CALCR: variants seen among roughly 807,000 people sequenced by gnomAD.
The protein encoded by CALCR is calcitonin receptor.
In CALCR, 47 loss-of-function variants were observed where a neutral mutation model predicts 59.5. The ratio of observed to expected loss-of-function variants is 0.79; its 90% CI spans 0.63 to 1.01. The LOEUF is 1.01. Among genes scored for constraint, CALCR ranks in the 50% least tolerant of loss-of-function variants. The probability of loss-of-function intolerance (pLI) is 0.00; values close to 1 mark genes in which losing one functional copy is unlikely to be tolerated. For synonymous variants in CALCR, 213 were observed against 211.3 expected (o/e 1.01, Z -0.07); for missense variants, 566 against 597.1 (o/e 0.95, Z 0.54).
chr7:93,467,599 T>G (rs1021766469), intron 7 of CALCR, among the ~76,000 whole-genome samples: 4 of 151,722 alleles, frequency 2.6e-5, no homozygotes, highest in Non-Finnish European at 4.4e-5. Flanking sequence ...AGATGTATAA[T>G]GTACCATCTT....
chr7:93,492,465 T>C (rs1342026273), intron 2 of CALCR, among the ~76,000 whole-genome samples: 1 of 151,440 alleles, frequency 6.6e-6, no homozygotes, highest in Non-Finnish European at 1.5e-5. Context: ...GTTTACCTAT[T>C]GGCATAACAG....
At chr7:93,479,606 C>T (rs549211037) in intron 3 of CALCR, 99 bp from the exon 4 acceptor site, 2 of 1,120,738 alleles carry the variant, frequency 1.8e-6, no homozygotes, top group East Asian at 4.9e-5. Context: ...TATTTTTGCT[C>T]TCTAAGCAAT....
intron 3 of CALCR, among the ~76,000 whole-genome samples, chr7:93,484,933 T>C (rs1800907763): frequency 6.6e-6 from 1 of 151,650 alleles, no homozygotes; most frequent in South Asian, 2.1e-4. Context: ...AAGAGGCTAA[T>C]TGAAGGTGGT....
rs1214957914 is a variant in CALCR, at chr7:93,501,742, T to A, written c.-26-14735A>T. 3.3e-5 allele frequency among the ~76,000 whole-genome samples: 5 copies of A among 152,228 alleles called. No individual in the cohort carries two copies. The East Asian group carries it at 9.7e-4, about 30-fold the overall frequency. On this transcript the variant is annotated intron_variant, in intron 2 of 13. Transcript: ENST00000426151. ...CAGTGCAGAACTAAACCAGAATTTA[T>A]GCAAAGTCAATGAGCTGAATTGAAA...
chr7:93,559,616 CT>C (rs370056480), intron 2 of CALCR: 219 of 147,328 alleles, frequency 1.5e-3, no homozygotes, highest in East Asian at 2.8e-3. Flanking sequence ...GTACTTAAAA[CT>C]TTTTTTTTTT....
intron 2 of CALCR, among the ~76,000 whole-genome samples, chr7:93,550,928 T>TTTAA (rs1336853464): frequency 6.6e-6 from 1 of 152,154 alleles, no homozygotes. Flanking sequence ...ACATCTGTAA[T>TTTAA]ATTTAAAGGT....
chr7:93,516,866 G>A (rs1473214542), intron 2 of CALCR, among the ~76,000 whole-genome samples: 1 of 151,702 alleles, frequency 6.6e-6, no homozygotes, highest in Non-Finnish European at 1.5e-5. Context: ...TTAAATTATC[G>A]CGGGTTTTTA....
chr7:93,448,455 T>A (rs550902408), intron 8 of CALCR, among the ~76,000 whole-genome samples: 3 of 151,992 alleles, frequency 2.0e-5, no homozygotes, highest in Non-Finnish European at 4.4e-5. Context: ...AAACAGTGGC[T>A]AAGTTTGATG....
intron 2 of CALCR, among the ~76,000 whole-genome samples, chr7:93,500,186 C>T (rs187583665): frequency 6.1e-4 from 92 of 151,986 alleles, no homozygotes; most frequent in African/African-American, 1.8e-3. Flanking sequence ...ACTAATCTGT[C>T]TCGCATTAAA....
intron 3 of CALCR, chr7:93,484,051 C>A (rs1433349766): frequency 1.0e-5 from 5 of 493,854 alleles, no homozygotes; most frequent in South Asian, 5.9e-5. Context: ...CAAACATCAT[C>A]AGTTTTTTTC....
intron 2 of CALCR, among the ~76,000 whole-genome samples, chr7:93,554,769 GTATATATA>G (rs55879216): frequency 2.2e-4 from 26 of 117,196 alleles, no homozygotes; most frequent in East Asian, 2.8e-4. Context: ...GCCAGGCCAT[GTATATATA>G]TATATATATA....
intron 8 of CALCR, among the ~76,000 whole-genome samples, chr7:93,446,182 G>A (rs756616297): frequency 4.6e-5 from 7 of 151,954 alleles, no homozygotes; most frequent in Non-Finnish European, 7.4e-5. Flanking sequence ...TGGGTTTGAC[G>A]CAAGATATTG....
intron 4 of CALCR, among the ~76,000 whole-genome samples, chr7:93,478,073 T>C (rs1800708536): frequency 6.8e-6 from 1 of 147,736 alleles, no homozygotes; most frequent in Non-Finnish European, 1.5e-5. Context: ...TCAAGAAAGC[T>C]CTCAAAAATT....
At chr7:93,556,310 T>C (rs985733589) in intron 2 of CALCR, among the ~76,000 whole-genome samples, 1 of 152,166 alleles carries the variant, frequency 6.6e-6, no homozygotes, top group Admixed American at 6.6e-5. Context: ...AGTATTTTCC[T>C]GGATTTCTGA....
intron 2 of CALCR, among the ~76,000 whole-genome samples, chr7:93,530,946 A>G (rs1237281749): frequency 6.6e-6 from 1 of 152,076 alleles, no homozygotes; most frequent in African/African-American, 2.4e-5. Context: ...CTACTGAACC[A>G]GAAACTTTGG....
intron 2 of CALCR, among the ~76,000 whole-genome samples, chr7:93,533,172 G>T (rs1455195161): frequency 2.0e-5 from 3 of 151,772 alleles, no homozygotes; most frequent in South Asian, 2.1e-4. Context: ...TGTAATAATG[G>T]TTTCGTTATA....
chr7:93,480,466 A>G (rs1247489616), intron 3 of CALCR, among the ~76,000 whole-genome samples: 5 of 151,798 alleles, frequency 3.3e-5, no homozygotes, highest in Non-Finnish European at 7.4e-5. Flanking sequence ...CTTAATTTCT[A>G]TCATACCCGT....
At chr7:93,492,626 A>G (rs1297137282) in intron 2 of CALCR, among the ~76,000 whole-genome samples, 1 of 151,480 alleles carries the variant, frequency 6.6e-6, no homozygotes, top group East Asian at 1.9e-4. Flanking sequence ...AAATGTAAAT[A>G]TGAGCTGGAT....
chr7:93,510,070 T>C (rs1333555747), intron 2 of CALCR, among the ~76,000 whole-genome samples: 1 of 152,048 alleles, frequency 6.6e-6, no homozygotes, highest in South Asian at 2.1e-4. Context: ...ACTTTTGAGA[T>C]TTTTTTTCTT....
Sources: gnomAD v4.1 joint callset for allele counts (sites outside exome capture counted in the v4.1 genomes callset) on GRCh38, gnomAD v4.1.1 for gene constraint, MANE v1.5 for transcripts, NCBI Gene and HGNC (gene_info 2026-07-23, HGNC 2026-07-21) for gene names.